The following AGPAT2 variants were observed in gnomAD, a reference collection of about 807,000 sequenced individuals.
The protein encoded by AGPAT2 is 1-acyl-sn-glycerol-3-phosphate acyltransferase beta.
In AGPAT2, 18 loss-of-function variants were observed where a neutral mutation model predicts 26.1. That is an observed-to-expected ratio of 0.69 (90% CI 0.48 to 1.02). The LOEUF (loss-of-function observed/expected upper bound fraction) is 1.02, where lower values mean the gene tolerates loss of function less well. Among genes scored for constraint, AGPAT2 ranks in the 50% least tolerant of loss-of-function variants. The pLI is 0.00. For missense variants in AGPAT2, 415 were observed against 394.9 expected (o/e 1.05, Z -0.43); for synonymous variants, 200 against 174.2 (o/e 1.15, Z -1.16).
rs1021163877 is a variant in AGPAT2 at position 136,677,104 on chromosome 9, G to C, written c.349C>G (p.Gln117Glu). ...LMEVLPERCVQIAKRELLFLG... is the reference protein window; with the variant it reads ...LMEVLPERCVEIAKRELLFLG... Reference sequence around the variant, plus strand: ...AAGAGCAGCTCCCGCTTGGCGATCTGCACGCAGCGCTCCGGAAGGACCTCC... The same window carrying C: ...AAGAGCAGCTCCCGCTTGGCGATCTCCACGCAGCGCTCCGGAAGGACCTCC... Residue 117 changes from glutamine (Q) to glutamate (E), a missense_variant, in exon 3 of 6, where the codon CAG (glutamine) becomes GAG (glutamate). Physicochemically the swap from Gln to Glu is conservative, Grantham distance 29. Transcript: ENST00000371696. 3.7e-6 allele frequency: 6 copies of C among 1,613,040 alleles called. No homozygotes were observed. In the African/African-American group the frequency reaches 6.7e-5, roughly 18 times the overall value.
chr9:136,673,636 G>T lies in AGPAT2; in HGVS notation c.*116C>A. 8.4e-7 allele frequency: 1 copy of T among 1,188,198 alleles called. No individual in the cohort carries two copies. The allele number at this position is 1,188,198 out of a possible 1,614,324, so 73.6% of individuals were successfully genotyped here. ...GCTTCCTGCTTCCCGGGCTGAGTGA[G>T]AGCTGGGGGAGCCGGACAGAGTGGT... On this transcript the variant is annotated 3_prime_UTR_variant, in exon 6 of 6. Transcript: ENST00000371696.
rs758697932 is a variant in AGPAT2 at position 136,677,074 on chromosome 9, C to A, written c.379G>T (p.Gly127Trp). ...AGGTACATGATGAGGCCCACGGGCC[C>A]CAGGAAGAGCAGCTCCCGCTTGGCG... ...QIAKRELLFL[G>W]PVGLIMYLGG... is the part of the protein sequence containing the mutation. The change falls in exon 3 of 6, where the codon GGG becomes TGG. Residue 127 changes from glycine (G) to tryptophan (W), a missense_variant. By Grantham distance (184) the Gly-to-Trp change is radical. Coordinates refer to ENST00000371696, the MANE Select transcript of AGPAT2 (RefSeq NM_006412.4). 1.2e-6 allele frequency: 2 copies of A among 1,613,054 alleles called. No homozygotes were observed. The highest frequency in any genetic ancestry group is 1.7e-6 in the Non-Finnish European group (2 of 1,179,988).
chr9:136,676,824 G>A (rs1413314119), intron 3 of AGPAT2, 137 bp downstream of exon 3: 3 of 1,269,800 alleles, frequency 2.4e-6, no homozygotes, highest in East Asian at 5.0e-5. Context: ...TAGGGGTCTG[G>A]CGTGGGACCC....
chr9:136,686,740 C>T (rs1464784015), intron 1 of AGPAT2, among the ~76,000 whole-genome samples: 1 of 152,246 alleles, frequency 6.6e-6, no homozygotes, highest in Admixed American at 6.5e-5. Flanking sequence ...GGTGCCCCCA[C>T]GCCGTCGTGC....
In AGPAT2 at chr9:136,674,720, C is replaced by G; in HGVS notation, c.661+15G>C. 1.4e-6 allele frequency: 2 copies of G among 1,449,186 alleles called. No homozygotes were observed. Among genetic ancestry groups the G allele is most frequent in the Non-Finnish European group, 1.8e-6 (2 of 1,092,200 alleles). 89.8% of individuals were successfully genotyped at this position (1,449,186 alleles called of 1,614,324 possible). A position where few individuals can be genotyped will look rare whatever the true frequency, so the allele number is the denominator to read the frequency against. On this transcript the variant is annotated intron_variant, in intron 5 of 5. Transcript: ENST00000371696. Reference sequence around the variant, plus strand: ...AGGCGGGGCCTACACCCCGGGTGCACACATGTGGGGGTACCTGAAGTGAAG... The same window carrying G: ...AGGCGGGGCCTACACCCCGGGTGCAGACATGTGGGGGTACCTGAAGTGAAG...
intron 1 of AGPAT2, among the ~76,000 whole-genome samples, chr9:136,680,253 G>A (rs1472696824): frequency 6.6e-6 from 1 of 152,158 alleles, no homozygotes; most frequent in Non-Finnish European, 1.5e-5. Flanking sequence ...TTGAGACAGG[G>A]TCTCACTCTG....
At chr9:136,686,977 C>G (rs1270535296) in intron 1 of AGPAT2, among the ~76,000 whole-genome samples, 199 bp downstream of exon 1, 1 of 152,290 alleles carries the variant, frequency 6.6e-6, no homozygotes, top group East Asian at 1.9e-4. Flanking sequence ...GTGACGCCGG[C>G]TCCTTGACCC....
intron 1 of AGPAT2, among the ~76,000 whole-genome samples, chr9:136,684,769 T>A (rs1286695598): frequency 6.6e-6 from 1 of 152,154 alleles, no homozygotes; most frequent in Non-Finnish European, 1.5e-5. Context: ...CTGCCCCAGT[T>A]TCAAGTTGCT....
rs1212010243 is a variant in AGPAT2 at position 136,677,404 on chromosome 9, C to T, written c.316+19G>A. ...GGCCCCACTCAAACCCCAGAAGCCA[C>T]CCCCGAGGCCCGGCCTACCCATCAT... On this transcript the variant is annotated intron_variant, in intron 2 of 5. Transcript: ENST00000371696. 1 of 1,612,982 alleles carries T rather than the reference C, an allele frequency of 6.2e-7. No homozygotes were observed. The highest frequency in any genetic ancestry group is 1.3e-5 in the African/African-American group (1 of 74,942).
At chr9:136,679,175 C>T (rs181266590) in intron 1 of AGPAT2, among the ~76,000 whole-genome samples, 6 of 152,364 alleles carry the variant, frequency 3.9e-5, no homozygotes, top group Non-Finnish European at 5.9e-5. Context: ...CTCCCTCTAT[C>T]TCCAGAACTC....
intron 1 of AGPAT2, among the ~76,000 whole-genome samples, chr9:136,684,911 T>G (rs1475106974): frequency 6.6e-6 from 1 of 152,024 alleles, no homozygotes; most frequent in African/African-American, 2.4e-5. Flanking sequence ...GCCCCCCGGG[T>G]CCCTTCCCTG....
Position 136,680,970 on chromosome 9 carries a change from C to T in AGPAT2, c.183-3414G>A, listed in dbSNP as rs577581235. Among the ~76,000 whole-genome samples the T allele has an allele frequency of 1.2e-4, 18 of 152,248 alleles. No individual in the cohort carries two copies. The South Asian group carries it at 1.7e-3, about 14-fold the overall frequency. ...AGGAGCCAGCGCGCCGAGCCCTCCT[C>T]TGTTTTGATTGTGGTATAACACGCA... On this transcript the variant is annotated intron_variant, in intron 1 of 5. Transcript: ENST00000371696.
Position 136,676,990 on chromosome 9 carries a change from C to A in AGPAT2, c.463G>T (p.Asp155Tyr). 2 of 1,522,272 alleles carry A rather than the reference C, an allele frequency of 1.3e-6. No homozygotes were observed. The highest frequency in any genetic ancestry group is 1.1e-5 in the South Asian group (1 of 89,920). The allele number at this position is 1,522,272 out of a possible 1,614,324, so 94.3% of individuals were successfully genotyped here. ...TCCCTGACCATGCGCTCGCCCAGGT[C>A]GGCCATCACTGTCATGGCAGTGCTA... Reference protein sequence around the residue: ...RSSTAMTVMADLGERMVRENL... With the variant: ...RSSTAMTVMAYLGERMVRENL... Residue 155 changes from aspartate (D) to tyrosine (Y), a missense_variant, in exon 3 of 6, where the codon GAC becomes TAC. Asp to Tyr is a radical substitution (Grantham distance 160). Transcript: ENST00000371696.
At chr9:136,677,924 A>G (rs1222303626) in intron 1 of AGPAT2, among the ~76,000 whole-genome samples, 1 of 152,196 alleles carries the variant, frequency 6.6e-6, no homozygotes, top group African/African-American at 2.4e-5. Flanking sequence ...CACGTCCGCT[A>G]TGAAGGACCC....
chr9:136,685,781 G>T (rs1846214016), intron 1 of AGPAT2, among the ~76,000 whole-genome samples: 1 of 152,086 alleles, frequency 6.6e-6, no homozygotes, highest in African/African-American at 2.4e-5. Context: ...GCTGAGGGGG[G>T]CCCCTCACAG....
rs1048261547 is a variant in AGPAT2, at chr9:136,676,961, G to A, written c.492C>T (p.Asn164=). 19 of 1,315,578 alleles carry A rather than the reference G, an allele frequency of 1.4e-5. No homozygotes were observed. The highest frequency in any genetic ancestry group is 4.8e-5 in the East Asian group (1 of 20,758). The allele number at this position is 1,315,578 out of a possible 1,614,324, so 81.5% of individuals were successfully genotyped here. Residue 164 remains asparagine (N), a splice_region_variant and synonymous_variant, in exon 3 of 6, where the codon AAC becomes AAT. Coordinates refer to ENST00000371696, the MANE Select transcript of AGPAT2 (RefSeq NM_006412.4). ...ACCGAGCCCGGCCCTGCACACTCAC[G>A]TTCTCCCTGACCATGCGCTCGCCCA... ...ADLGERMVRE[N]LKVWIYPEGT...
chr9:136,684,260 G>A (rs1272225351), intron 1 of AGPAT2, among the ~76,000 whole-genome samples: 1 of 152,222 alleles, frequency 6.6e-6, no homozygotes, highest in Non-Finnish European at 1.5e-5. Context: ...TTCTGATCCT[G>A]TAGCTGAACC....
At chr9:136,677,917 G>A (rs560639398) in intron 1 of AGPAT2, among the ~76,000 whole-genome samples, 2 of 152,306 alleles carry the variant, frequency 1.3e-5, no homozygotes, top group African/African-American at 4.8e-5. Context: ...TGGCTCTCAC[G>A]TCCGCTATGA....
rs1035556218 is a variant in AGPAT2, at chr9:136,673,685, C to T, written c.*67G>A. 15 of 1,464,034 alleles carry T rather than the reference C, an allele frequency of 1.0e-5. No homozygotes were observed. The highest frequency in any genetic ancestry group is 1.3e-5 in the Non-Finnish European group (14 of 1,092,576). The allele number at this position is 1,464,034 out of a possible 1,614,324, so 90.7% of individuals were successfully genotyped here. A position where few individuals can be genotyped will look rare whatever the true frequency, so the allele number is the denominator to read the frequency against. ...GTATTTGGAAGCCGGGAGGAGTCCC[C>T]TCTGCCCATCCTCCAGCCATCGGCT... On this transcript the variant is annotated 3_prime_UTR_variant, in exon 6 of 6. Transcript: ENST00000371696.
Sources: allele counts gnomAD v4.1 joint callset (sites outside exome capture counted in the v4.1 genomes callset), GRCh38; gene constraint gnomAD v4.1.1; transcripts MANE v1.5; gene names NCBI Gene and HGNC (gene_info 2026-07-23, HGNC 2026-07-21).